The following MOSPD2 variants were observed in gnomAD, a reference collection of about 807,000 sequenced individuals.
MOSPD2 encodes the protein motile sperm domain-containing protein 2.
A neutral mutation model predicts 41.7 loss-of-function variants in MOSPD2; 5 were observed. The observed-to-expected ratio is 0.12, with a 90% CI of 0.06 to 0.25. MOSPD2 has a LOEUF of 0.25. Ranked by LOEUF, MOSPD2 falls within the 10% of genes least tolerant of loss-of-function variation. MOSPD2 has a pLI of 1.00. For synonymous variants in MOSPD2, 115 were observed against 126.9 expected (o/e 0.91, Z 0.63); for missense variants, 282 against 375.2 (o/e 0.75, Z 2.05).
At chrX:14,889,731 A>C (rs1452836688) in intron 2 of MOSPD2, among the ~76,000 whole-genome samples, 1 of 112,017 alleles carries the variant, frequency 8.9e-6, no homozygotes, top group Non-Finnish European at 1.9e-5. Flanking sequence ...AACATTAATA[A>C]AAATCATTTT....
rs752396113 is a variant in MOSPD2 at position 14,911,268 on chromosome X, T to C, written c.734T>C (p.Val245Ala). 7 of 1,204,244 alleles carry C rather than the reference T, an allele frequency of 5.8e-6. No homozygotes were observed. In the Admixed American group the frequency reaches 1.6e-4, roughly 27 times the overall value. ...DPFKYSYPPL[V>A]DDDFQTPLCE... ...TTCAAGTATAGCTATCCACCACTAG[T>C]AGATGATGACTTCCAGACCCCACTG... The change falls in exon 9 of 15, where the codon GTA becomes GCA. Residue 245 changes from valine (V) to alanine (A), a missense_variant. Around this residue, in one of 3 missense-constraint regions of MOSPD2, gnomAD observed 187 missense variants for 256.6 expected, o/e 0.73. Coordinates refer to ENST00000380492, the MANE Select transcript of MOSPD2 (RefSeq NM_152581.4).
At chrX:14,909,167 A>G (rs2092587366) in intron 8 of MOSPD2, among the ~76,000 whole-genome samples, 183 bp downstream of exon 8, 1 of 112,175 alleles carries the variant, frequency 8.9e-6, no homozygotes, top group Non-Finnish European at 1.9e-5. Flanking sequence ...TTATTTTTTA[A>G]TAGGTAATAT....
rs759399817 is a variant in MOSPD2, at chrX:14,890,195, TA to T, written c.80-2517del. ...GTCCTCATTGTCAGCACTCTTAGTT[TA>T]AAAAAAAAAAGACAATTTTATTTTA... On this transcript the variant is annotated intron_variant, in intron 2 of 14. Transcript: ENST00000380492. Among the ~76,000 whole-genome samples the T allele has an allele frequency of 6.8e-3, 711 of 104,673 alleles. 3 individuals are homozygous for T. Among genetic ancestry groups the T allele is most frequent in the African/African-American group, 0.022 (650 of 28,931 alleles). The allele number at this position is 104,673 out of a possible 115,157, so 90.9% of individuals were successfully genotyped here. A position where few individuals can be genotyped will look rare whatever the true frequency, so the allele number is the denominator to read the frequency against.
chrX:14,890,866 A>C (rs2092552301), intron 2 of MOSPD2, among the ~76,000 whole-genome samples: 1 of 112,068 alleles, frequency 8.9e-6, no homozygotes. Flanking sequence ...AGAAAAGGAA[A>C]TGAAGGAGCC....
intron 5 of MOSPD2, among the ~76,000 whole-genome samples, chrX:14,899,607 A>ACACACACAC (rs1569103818): frequency 1.6e-5 from 1 of 62,093 alleles, no homozygotes; most frequent in East Asian, 3.3e-4. Flanking sequence ...CACACACACA[A>ACACACACAC]AGGTATTATT....
chrX:14,889,550 C>T (rs1323747998), intron 2 of MOSPD2, among the ~76,000 whole-genome samples: 1 of 106,647 alleles, frequency 9.4e-6, no homozygotes, highest in Non-Finnish European at 1.9e-5. Flanking sequence ...ACCCTCTCCT[C>T]TGTCCCATTG....
At chrX:14,877,826 A>G (rs1012039944) in intron 2 of MOSPD2, among the ~76,000 whole-genome samples, 4 of 106,862 alleles carry the variant, frequency 3.7e-5, no homozygotes, top group Admixed American at 3.0e-4. Context: ...ACAAAAAAAA[A>G]AAAAATTAGC....
intron 2 of MOSPD2, among the ~76,000 whole-genome samples, chrX:14,883,469 A>C (rs1031365866): frequency 8.9e-6 from 1 of 112,127 alleles, no homozygotes; most frequent in Admixed American, 9.4e-5. Flanking sequence ...TTTTGCAAGG[A>C]ATAGGAGGAC....
intron 2 of MOSPD2, among the ~76,000 whole-genome samples, chrX:14,874,985 G>A (rs2092517211): frequency 8.9e-6 from 1 of 112,021 alleles, no homozygotes. Flanking sequence ...AATATTTTAA[G>A]AAGTAACTCA....
At chrX:14,886,143 A>G (rs2092540738) in intron 2 of MOSPD2, among the ~76,000 whole-genome samples, 1 of 111,077 alleles carries the variant, frequency 9.0e-6, no homozygotes, top group Non-Finnish European at 1.9e-5. Flanking sequence ...GACTCTTACT[A>G]TTATCCTATT....
intron 9 of MOSPD2, 45 bp downstream of exon 9, chrX:14,911,458 A>G: frequency 1.0e-6 from 1 of 992,867 alleles, no homozygotes; most frequent in East Asian, 3.2e-5. Context: ...GATGTGGTCT[A>G]TCCCCAATTC....
At chrX:14,875,641 A>G (rs1350281319) in intron 2 of MOSPD2, among the ~76,000 whole-genome samples, 2 of 111,966 alleles carry the variant, frequency 1.8e-5, no homozygotes, top group African/African-American at 6.5e-5. Flanking sequence ...CCCAGTTGAA[A>G]AACCACGACT....
At chrX:14,885,513 T>C (rs2092539537) in intron 2 of MOSPD2, 1 of 112,120 alleles carries the variant, frequency 8.9e-6, no homozygotes, top group Admixed American at 9.5e-5. Flanking sequence ...TGGGGAACTT[T>C]AGAATAATTC....
intron 7 of MOSPD2, among the ~76,000 whole-genome samples, chrX:14,905,017 G>T (rs958676346): frequency 1.8e-5 from 2 of 111,818 alleles, no homozygotes; most frequent in Admixed American, 1.9e-4. Flanking sequence ...CAGGCATGAA[G>T]ATTACCTCTC....
intron 6 of MOSPD2, among the ~76,000 whole-genome samples, chrX:14,901,842 T>C: frequency 9.0e-6 from 1 of 110,772 alleles, no homozygotes; most frequent in South Asian, 3.8e-4. Context: ...GAGCCACTTA[T>C]CAGTAGTATA....
Position 14,920,114 on chromosome X carries a change from TAA to T in MOSPD2, c.*306_*307del, listed in dbSNP as rs2092606999. ...TTTTGATCTGAATACTTTTAAAGCT[TAA>T]GTTTTATCGTGTAAATACATTAGCT... On this transcript the variant is annotated 3_prime_UTR_variant, in exon 15 of 15. Coordinates refer to ENST00000380492, the MANE Select transcript of MOSPD2 (RefSeq NM_152581.4). 8.1e-5 allele frequency: 60 copies of T among 744,656 alleles called. No homozygotes were observed. The highest frequency in any genetic ancestry group is 9.6e-5 in the Non-Finnish European group (60 of 624,196). 61.4% of individuals were successfully genotyped at this position (744,656 alleles called of 1,213,427 possible).
chrX:14,899,634 C>T (rs760068554), intron 5 of MOSPD2, among the ~76,000 whole-genome samples: 7 of 97,987 alleles, frequency 7.1e-5, no homozygotes, highest in Non-Finnish European at 1.3e-4. Context: ...ATACCCATAA[C>T]AAATACTTAA....
Position 14,916,331 on chromosome X carries a change from G to C in MOSPD2, c.1316+5G>C, listed in dbSNP as rs369213714. 1.4e-5 allele frequency: 17 copies of C among 1,209,441 alleles called. No homozygotes were observed. The African/African-American group carries it at 3.0e-4, about 21-fold the overall frequency. On this transcript the variant is annotated splice_donor_5th_base_variant and intron_variant, in intron 13 of 14. Coordinates refer to ENST00000380492, the MANE Select transcript of MOSPD2 (RefSeq NM_152581.4). ...AAACAAAGTGATGGAACATAGGTAA[G>C]CTTTTCCCTCACATTCTTCTCAAAT...
chrX:14,903,771 GC>G (rs1303014718), intron 7 of MOSPD2, among the ~76,000 whole-genome samples: 1 of 111,690 alleles, frequency 9.0e-6, no homozygotes, highest in African/African-American at 3.3e-5. Flanking sequence ...CAAACCTTTA[GC>G]TAATAAAGAA....
Sources: allele counts gnomAD v4.1 joint callset (sites outside exome capture counted in the v4.1 genomes callset), GRCh38; gene constraint gnomAD v4.1.1; regional missense constraint gnomAD v4.1.1; transcripts MANE v1.5; gene names NCBI Gene and HGNC (gene_info 2026-07-23, HGNC 2026-07-21).